Variants in TBC1D22A observed in about 807,000 individuals in gnomAD.
TBC1D22A encodes the protein putative GTPase activator.
A neutral mutation model predicts 60.2 loss-of-function variants in TBC1D22A; 38 were observed. The observed-to-expected ratio is 0.63, with a 90% CI of 0.49 to 0.83. The LOEUF (loss-of-function observed/expected upper bound fraction) is 0.83. Among genes scored for constraint, TBC1D22A ranks in the 40% least tolerant of loss-of-function variants. The pLI, the probability that TBC1D22A is intolerant of heterozygous loss-of-function variation, is 0.00. For synonymous variants in TBC1D22A, 302 were observed against 281.7 expected (o/e 1.07, Z -0.72); for missense variants, 628 against 701.0 (o/e 0.90, Z 1.18).
At chr22:46,834,469 G>A (rs1241220932) in intron 4 of TBC1D22A, among the ~76,000 whole-genome samples, 1 of 152,210 alleles carries the variant, frequency 6.6e-6, no homozygotes, top group African/African-American at 2.4e-5. Flanking sequence ...GCATAGCTCA[G>A]TGCCAACTCC....
intron 11 of TBC1D22A, among the ~76,000 whole-genome samples, chr22:47,076,914 G>A (rs899782262): frequency 6.6e-6 from 1 of 152,144 alleles, no homozygotes; most frequent in African/African-American, 2.4e-5. Context: ...TAGTCCATAA[G>A]GGCAGCTTGA....
chr22:46,852,071 C>CAGCT (rs1317013171), intron 4 of TBC1D22A, among the ~76,000 whole-genome samples: 1 of 152,234 alleles, frequency 6.6e-6, no homozygotes, highest in Non-Finnish European at 1.5e-5. Context: ...GCGCCGCAGG[C>CAGCT]AGCTGTACAG....
intron 4 of TBC1D22A, among the ~76,000 whole-genome samples, chr22:46,852,844 G>T (rs545792295): frequency 6.6e-6 from 1 of 152,094 alleles, no homozygotes; most frequent in East Asian, 1.9e-4. Flanking sequence ...CTCCCTGTGC[G>T]CAGACCCTGC....
chr22:46,930,226 C>T (rs1220775743), intron 8 of TBC1D22A, among the ~76,000 whole-genome samples: 1 of 152,106 alleles, frequency 6.6e-6, no homozygotes, highest in African/African-American at 2.4e-5. Context: ...CCTGTGTTAC[C>T]AATACACTGG....
At chr22:46,880,381 GT>G (rs1484138427) in intron 5 of TBC1D22A, among the ~76,000 whole-genome samples, 3 of 152,212 alleles carry the variant, frequency 2.0e-5, no homozygotes, top group Non-Finnish European at 2.9e-5. Context: ...TGGGAGGCAG[GT>G]TTGCCCTAAG....
rs114362078 is a variant in TBC1D22A at position 47,045,727 on chromosome 22, C to A, written c.1329+8529C>A. 4.4e-3 allele frequency among the ~76,000 whole-genome samples: 667 copies of A among 152,240 alleles called. 3 individuals are homozygous for A. The highest frequency in any genetic ancestry group is 0.014 in the Middle Eastern group (4 of 294). ...ACCAGAACAGTCAATAAAAAAGAAA[C>A]CGCCCACCCTGTGGGGTACCTGCTG... On this transcript the variant is annotated intron_variant, in intron 11 of 12. Coordinates refer to ENST00000337137, the MANE Select transcript of TBC1D22A (RefSeq NM_014346.5).
intron 8 of TBC1D22A, among the ~76,000 whole-genome samples, chr22:46,931,612 G>A (rs1284861387): frequency 2.0e-5 from 3 of 152,234 alleles, no homozygotes; most frequent in Non-Finnish European, 4.4e-5. Flanking sequence ...TGTGTTAGGA[G>A]TTCTTGTGGT....
At chr22:46,999,672 T>C (rs984625915) in intron 10 of TBC1D22A, among the ~76,000 whole-genome samples, 1 of 152,106 alleles carries the variant, frequency 6.6e-6, no homozygotes, top group African/African-American at 2.4e-5. Context: ...TTGCAGGGAT[T>C]GTAAAGATTT....
intron 7 of TBC1D22A, among the ~76,000 whole-genome samples, chr22:46,906,897 TATATGTGCGCATGTGCTTTTC>T (rs1180704734): frequency 1.3e-5 from 2 of 151,970 alleles, no homozygotes; most frequent in East Asian, 3.9e-4. Context: ...CCTGCGTGTG[TATATGTGCGCATGTGCTTTTC>T]ATGTGTGCGC....
At chr22:46,781,896 A>C (rs1434720742) in intron 1 of TBC1D22A, among the ~76,000 whole-genome samples, 2 of 152,190 alleles carry the variant, frequency 1.3e-5, no homozygotes, top group African/African-American at 4.8e-5. Flanking sequence ...ACACCCAACT[A>C]ATGGCCCCTG....
At chr22:47,003,895 ACACGCATGCCTGTATACACACACCCTACG>A (rs1569325043) in intron 10 of TBC1D22A, among the ~76,000 whole-genome samples, 72 of 128,460 alleles carry the variant, frequency 5.6e-4, no homozygotes, top group African/African-American at 1.8e-3. Context: ...CACACCCTAC[ACACGCATGCCTGTATACACACACCCTACG>A]CACGCATGCC....
rs559449191 is a variant in TBC1D22A, at chr22:46,868,878, T to C, written c.638-9775T>C. ...TGAGTACCTGTCACGTATAACTTGT[T>C]TTATCCTAGAGTTGTTCATTTGCGG... On this transcript the variant is annotated intron_variant, in intron 4 of 12. Coordinates refer to ENST00000337137, the MANE Select transcript of TBC1D22A (RefSeq NM_014346.5). 1.1e-3 allele frequency among the ~76,000 whole-genome samples: 171 copies of C among 152,304 alleles called. 1 individual carries two copies. Among genetic ancestry groups the C allele is most frequent in the African/African-American group, 3.7e-3 (154 of 41,558 alleles).
intron 12 of TBC1D22A, among the ~76,000 whole-genome samples, chr22:47,115,102 G>A (rs2065986522): frequency 6.6e-6 from 1 of 152,142 alleles, no homozygotes; most frequent in African/African-American, 2.4e-5. Context: ...GCTGCACTCT[G>A]GGCCTCCTGG....
intron 8 of TBC1D22A, among the ~76,000 whole-genome samples, chr22:46,963,380 A>ATCACTCTGCCTGCCCTGGGTCCCGC: frequency 6.6e-6 from 1 of 151,492 alleles, no homozygotes; most frequent in East Asian, 1.9e-4. Context: ...CGCAGTGCCC[A>ATCACTCTGCCTGCCCTGGGTCCCGC]AGGCTGGAAA....
At chr22:47,135,737 G>A (rs2066841742) in intron 12 of TBC1D22A, among the ~76,000 whole-genome samples, 1 of 152,266 alleles carries the variant, frequency 6.6e-6, no homozygotes, top group African/African-American at 2.4e-5. Context: ...AGGAATGAAA[G>A]TCGAGGGGAA....
intron 12 of TBC1D22A, among the ~76,000 whole-genome samples, chr22:47,150,364 G>GC (rs1481826485): frequency 1.3e-5 from 2 of 152,054 alleles, no homozygotes; most frequent in Non-Finnish European, 2.9e-5. Flanking sequence ...GGCCTCTGAG[G>GC]CCCCCCGAGT....
At chr22:46,890,562 A>G (rs1174095256) in intron 5 of TBC1D22A, among the ~76,000 whole-genome samples, 16 of 152,182 alleles carry the variant, frequency 1.1e-4, no homozygotes, top group Admixed American at 7.2e-4. Flanking sequence ...GGTATCCCCC[A>G]TAGATACTTA....
intron 4 of TBC1D22A, among the ~76,000 whole-genome samples, chr22:46,849,794 T>C (rs1439618004): frequency 6.6e-6 from 1 of 152,232 alleles, no homozygotes; most frequent in Non-Finnish European, 1.5e-5. Flanking sequence ...TCCGTGACTG[T>C]CGCCTGGTCC....
intron 1 of TBC1D22A, among the ~76,000 whole-genome samples, chr22:46,772,949 C>T (rs1725828757): frequency 1.3e-5 from 2 of 152,196 alleles, no homozygotes; most frequent in African/African-American, 4.8e-5. Flanking sequence ...CCTTTATCCA[C>T]TTGTTGATGG....
Sources: allele counts gnomAD v4.1 joint callset (sites outside exome capture counted in the v4.1 genomes callset), GRCh38; gene constraint gnomAD v4.1.1; transcripts MANE v1.5; gene names NCBI Gene and HGNC (gene_info 2026-07-23, HGNC 2026-07-21).